Variants in OTUD7A observed in about 807,000 individuals in gnomAD.
OTUD7A encodes OTU deubiquitinase 7A, also known as OTU domain-containing protein 7A.
In OTUD7A, 12 loss-of-function variants were observed where a neutral mutation model predicts 65.7. The ratio of observed to expected loss-of-function variants is 0.18; its 90% CI spans 0.12 to 0.30. The LOEUF is 0.30. OTUD7A is among the 10% of genes least tolerant of loss of function. The pLI, the probability that OTUD7A is intolerant of heterozygous loss-of-function variation, is 1.00. For synonymous variants in OTUD7A, 641 were observed against 586.3 expected (o/e 1.09, Z -1.35); for missense variants, 1,148 against 1,304.8 (o/e 0.88, Z 1.85).
intron 2 of OTUD7A, among the ~76,000 whole-genome samples, chr15:31,656,162 T>C (rs888059593): frequency 2.0e-5 from 3 of 152,152 alleles, no homozygotes; most frequent in Non-Finnish European, 2.9e-5. Context: ...ATAGAATGGA[T>C]GTACAGCAGC....
chr15:31,513,055 G>A (rs2041780998), intron 8 of OTUD7A, among the ~76,000 whole-genome samples: 1 of 152,072 alleles, frequency 6.6e-6, no homozygotes, highest in African/African-American at 2.4e-5. Context: ...ATTTTTAGTG[G>A]AGACGGGTTT....
intron 4 of OTUD7A, among the ~76,000 whole-genome samples, chr15:31,565,165 A>G (rs1201591967): frequency 6.6e-6 from 1 of 152,222 alleles, no homozygotes; most frequent in African/African-American, 2.4e-5. Flanking sequence ...TATAGATTCA[A>G]TATAGCTTGA....
intron 1 of OTUD7A, among the ~76,000 whole-genome samples, chr15:31,831,815 A>G (rs1255480328): frequency 2.0e-5 from 3 of 152,266 alleles, no homozygotes; most frequent in Admixed American, 6.5e-5. Context: ...GAAAAGGAGC[A>G]GGACACTGAT....
At chr15:31,672,817 A>C (rs1487327408) in intron 1 of OTUD7A, among the ~76,000 whole-genome samples, 1 of 152,258 alleles carries the variant, frequency 6.6e-6, no homozygotes, top group African/African-American at 2.4e-5. Context: ...GTTTTCTCCC[A>C]GTATGGAAAG....
At chr15:31,622,615 C>G (rs1454368279) in intron 3 of OTUD7A, among the ~76,000 whole-genome samples, 1 of 152,212 alleles carries the variant, frequency 6.6e-6, no homozygotes, top group African/African-American at 2.4e-5. Flanking sequence ...TCAGCTCCAT[C>G]AGGTCATTTA....
chr15:31,775,919 T>G (rs1458686768), intron 1 of OTUD7A, among the ~76,000 whole-genome samples: 1 of 152,196 alleles, frequency 6.6e-6, no homozygotes, highest in Non-Finnish European at 1.5e-5. Flanking sequence ...ATTCAAAGCT[T>G]AATTTCAGTC....
chr15:31,757,984 C>A (rs1292042654), intron 1 of OTUD7A, among the ~76,000 whole-genome samples: 1 of 152,124 alleles, frequency 6.6e-6, no homozygotes, highest in Non-Finnish European at 1.5e-5. Context: ...TAACAATATT[C>A]AATGCTAGGT....
At chr15:31,608,647 T>G (rs1890306461) in intron 3 of OTUD7A, among the ~76,000 whole-genome samples, 1 of 152,212 alleles carries the variant, frequency 6.6e-6, no homozygotes, top group Admixed American at 6.5e-5. Flanking sequence ...AAATCGTAAG[T>G]TGAACTATCA....
intron 1 of OTUD7A, among the ~76,000 whole-genome samples, chr15:31,837,816 G>A (rs1410703079): frequency 6.6e-6 from 1 of 152,176 alleles, no homozygotes; most frequent in East Asian, 1.9e-4. Flanking sequence ...AGTTGGAATA[G>A]CTAAAATAAC....
chr15:31,690,812 T>G (rs1243817230), intron 1 of OTUD7A, among the ~76,000 whole-genome samples: 1 of 152,232 alleles, frequency 6.6e-6, no homozygotes, highest in East Asian at 1.9e-4. Flanking sequence ...ATGTAAGAGC[T>G]AAACCTATAA....
intron 5 of OTUD7A, among the ~76,000 whole-genome samples, chr15:31,538,187 T>C (rs1887868189): frequency 6.6e-6 from 1 of 152,164 alleles, no homozygotes; most frequent in African/African-American, 2.4e-5. Flanking sequence ...AATGATGCAG[T>C]GTGAGGATGT....
At chr15:31,556,951 T>C (rs1218038655) in intron 5 of OTUD7A, 2 of 152,242 alleles carry the variant, frequency 1.3e-5, no homozygotes, top group Non-Finnish European at 2.9e-5. Flanking sequence ...TTGTTTTGTT[T>C]GTTGAGTCTT....
At chr15:31,569,590 TA>T (rs1485434665) in intron 4 of OTUD7A, among the ~76,000 whole-genome samples, 1 of 152,220 alleles carries the variant, frequency 6.6e-6, no homozygotes, top group East Asian at 1.9e-4. Flanking sequence ...TTTCCTTTGT[TA>T]TAATAAGCAT....
chr15:31,786,928 C>A (rs1321947789), intron 1 of OTUD7A, among the ~76,000 whole-genome samples: 1 of 152,090 alleles, frequency 6.6e-6, no homozygotes, highest in Non-Finnish European at 1.5e-5. Flanking sequence ...AAAACAAAGA[C>A]CCTAAGGAGG....
intron 1 of OTUD7A, among the ~76,000 whole-genome samples, chr15:31,657,554 G>C (rs572463299): frequency 5.3e-4 from 80 of 151,448 alleles, no homozygotes; most frequent in Non-Finnish European, 1.0e-3. Context: ...GTAGAGACAG[G>C]GTTTCACCAT....
At chr15:31,519,118 CTGTGTGTGTG>C (rs56265620) in intron 8 of OTUD7A, among the ~76,000 whole-genome samples, 2 of 151,148 alleles carry the variant, frequency 1.3e-5, no homozygotes, top group Non-Finnish European at 3.0e-5. Flanking sequence ...TAGCACTGTG[CTGTGTGTGTG>C]TGTGTGTGTG....
intron 1 of OTUD7A, among the ~76,000 whole-genome samples, chr15:31,778,507 T>C (rs1401882993): frequency 6.6e-6 from 1 of 152,174 alleles, no homozygotes; most frequent in Non-Finnish European, 1.5e-5. Context: ...CTGAACTACA[T>C]ACAATGCACA....
chr15:31,857,306 C>T lies in OTUD7A; in HGVS notation c.-100+13201G>A, dbSNP rs1036826329. On this transcript the variant is annotated intron_variant, in intron 1 of 12. Coordinates refer to ENST00000307050, the MANE Select transcript of OTUD7A (RefSeq NM_001382637.1). ...GTAAGGCAGATGTCACATACAGGGACACTGGAGCTGGTAGCTGAACTGCCT... is the reference window on the plus strand; with the variant it reads ...GTAAGGCAGATGTCACATACAGGGATACTGGAGCTGGTAGCTGAACTGCCT... Among the ~76,000 whole-genome samples the T allele has an allele frequency of 1.5e-4, 23 of 152,292 alleles. No individual in the cohort carries two copies. The East Asian group carries it at 3.9e-3, about 26-fold the overall frequency.
intron 3 of OTUD7A, among the ~76,000 whole-genome samples, chr15:31,610,412 A>G (rs1456237344): frequency 6.6e-6 from 1 of 151,858 alleles, no homozygotes; most frequent in African/African-American, 2.4e-5. Flanking sequence ...CAGAAAAGTC[A>G]ACAAAGAAAC....
Sources: gnomAD v4.1 joint callset for allele counts (sites outside exome capture counted in the v4.1 genomes callset) on GRCh38, gnomAD v4.1.1 for gene constraint, MANE v1.5 for transcripts, NCBI Gene and HGNC (gene_info 2026-07-23, HGNC 2026-07-21) for gene names.